Variants in ZNF324B observed in about 807,000 individuals in gnomAD.
ZNF324B encodes zinc finger protein 324B.
ZNF324B carries 7 observed loss-of-function variants against 10.6 expected under a neutral mutation model. That is an observed-to-expected ratio of 0.66 (90% confidence interval 0.38 to 1.24). The LOEUF (loss-of-function observed/expected upper bound fraction) is 1.24, where lower values mean the gene tolerates loss of function less well. Ranked by LOEUF, ZNF324B falls within the 50% of genes most tolerant of loss-of-function variation. The pLI is 0.02. For missense variants in ZNF324B, 640 were observed against 764.7 expected, an observed-to-expected ratio of 0.84 and a Z score of 1.92; for synonymous variants, 316 against 321.0, an observed-to-expected ratio of 0.98 and a Z score of 0.17.
At chr19:58,421,284 T>C in the ZNF324B span, among the ~76,000 whole-genome samples, 15 of 152,154 alleles carry the variant, frequency 9.9e-5, no homozygotes, top group Non-Finnish European at 5.9e-5. Context: ...TTATCTTCAT[T>C]TTCCATTGCT....
chr19:58,433,722 A>G, the ZNF324B span: 323,245 of 1,613,960 alleles, frequency 0.2, 33,820 homozygotes, highest in Non-Finnish European at 0.21. Context: ...TCCCACATTC[A>G]TTGCACTCAT....
the ZNF324B span, among the ~76,000 whole-genome samples, chr19:58,427,357 T>TC: frequency 6.4e-3 from 416 of 65,430 alleles, no homozygotes; most frequent in Admixed American, 0.011. Flanking sequence ...TTCCTTTCTT[T>TC]CTTTCTTTCT....
chr19:58,454,738 G>A (rs768171086), intron 3 of ZNF324B: 9 of 570,632 alleles, frequency 1.6e-5, no homozygotes, highest in Non-Finnish European at 1.9e-5. Context: ...GGCTGATGGT[G>A]CTAGGGGAGA....
chr19:58,439,494 A>C, the ZNF324B span, among the ~76,000 whole-genome samples: 6 of 152,228 alleles, frequency 3.9e-5, no homozygotes, highest in Admixed American at 3.9e-4. Context: ...ACCACTAAAC[A>C]AGGTACACAT....
At chr19:58,441,627 G>T in the ZNF324B span, 1 of 152,282 alleles carries the variant, frequency 6.6e-6, no homozygotes, top group African/African-American at 2.4e-5. Context: ...CTGGAGACCT[G>T]TGAGTGGAGG....
chr19:58,446,595 TGAGATGGAGTC>T, the ZNF324B span, among the ~76,000 whole-genome samples: 1 of 147,282 alleles, frequency 6.8e-6, no homozygotes, highest in African/African-American at 2.5e-5. Context: ...TTTTTTTTTT[TGAGATGGAGTC>T]TTTCTCTGTC....
the ZNF324B span, chr19:58,445,223 T>C: frequency 6.3e-6 from 2 of 315,810 alleles, no homozygotes; most frequent in South Asian, 5.2e-5. Context: ...AGAATTCTCA[T>C]CAGAGAGGCC....
chr19:58,426,327 G>A, the ZNF324B span, among the ~76,000 whole-genome samples: 1 of 152,324 alleles, frequency 6.6e-6, no homozygotes, highest in East Asian at 1.9e-4. Flanking sequence ...TGGTTAGTGG[G>A]TGTGGCCTAA....
chr19:58,452,095 G>A (rs112397377), intron 1 of ZNF324B: 10 of 174,850 alleles, frequency 5.7e-5, no homozygotes, highest in Middle Eastern at 2.6e-3. Context: ...CCCTGGGGGG[G>A]TTGCGGGGGT....
chr19:58,428,264 A>G, the ZNF324B span, among the ~76,000 whole-genome samples: 1 of 152,324 alleles, frequency 6.6e-6, no homozygotes, highest in East Asian at 1.9e-4. Context: ...AGGCCTCAGG[A>G]GGACCCAGGG....
chr19:58,452,701 G>T (rs2052872406), intron 1 of ZNF324B: 3 of 970,686 alleles, frequency 3.1e-6, no homozygotes, highest in East Asian at 2.3e-4. Flanking sequence ...GACGTTGTTG[G>T]TGTCCTGGGC....
At chr19:58,427,367 TTTC>T in the ZNF324B span, among the ~76,000 whole-genome samples, 1 of 46,220 alleles carries the variant, frequency 2.2e-5, no homozygotes, top group Non-Finnish European at 4.5e-5. Context: ...TCTTTCTTTC[TTTC>T]TTTCTTTCTT....
At chr19:58,423,619 C>T in the ZNF324B span, among the ~76,000 whole-genome samples, 1 of 152,170 alleles carries the variant, frequency 6.6e-6, no homozygotes, top group Admixed American at 6.5e-5. Context: ...CAAAGCAATC[C>T]TGAGCACAAA....
the ZNF324B span, among the ~76,000 whole-genome samples, chr19:58,422,390 T>G: frequency 6.6e-6 from 1 of 152,136 alleles, no homozygotes; most frequent in African/African-American, 2.4e-5. Flanking sequence ...CCACTCCTAT[T>G]CAACATAGTA....
At chr19:58,451,217 C>T (rs2052853259), upstream of ZNF324B, among the ~76,000 whole-genome samples, 1 of 152,216 alleles carries the variant, frequency 6.6e-6, no homozygotes, top group East Asian at 1.9e-4. Context: ...CTCCAGGCAT[C>T]TGCTCCTCCA....
chr19:58,448,357 T>C (rs909331628), upstream of ZNF324B, among the ~76,000 whole-genome samples: 3 of 152,196 alleles, frequency 2.0e-5, no homozygotes, highest in African/African-American at 7.2e-5. Context: ...GCTTGCTATG[T>C]TTTAGCAAAG....
At chr19:58,420,718 TA>T in the ZNF324B span, among the ~76,000 whole-genome samples, 1 of 151,996 alleles carries the variant, frequency 6.6e-6, no homozygotes, top group African/African-American at 2.4e-5. Flanking sequence ...TATTTTATTT[TA>T]TTTTTTTTGA....
At chr19:58,431,994 CA>C in the ZNF324B span, among the ~76,000 whole-genome samples, 175 of 147,138 alleles carry the variant, frequency 1.2e-3, no homozygotes, top group African/African-American at 3.9e-3. Flanking sequence ...GACTCCATAT[CA>C]AAAAAAAAAG....
At chr19:58,442,179 T>TTTTTTTTTTTTTA in the ZNF324B span, 1 of 135,280 alleles carries the variant, frequency 7.4e-6, no homozygotes, top group African/African-American at 3.1e-5. Flanking sequence ...TTTTTTTTTT[T>TTTTTTTTTTTTTA]GAGACGGAGT....
Sources: allele counts gnomAD v4.1 joint callset (sites outside exome capture counted in the v4.1 genomes callset), GRCh38; gene constraint gnomAD v4.1.1; transcripts MANE v1.5; gene names NCBI Gene and HGNC (gene_info 2026-07-23, HGNC 2026-07-21).